KCNQ4: variants seen among roughly 807,000 people sequenced by gnomAD.
KCNQ4 encodes the protein potassium voltage-gated channel subfamily KQT member 4.
KCNQ4 carries 31 observed loss-of-function variants against 72.6 expected under a neutral mutation model. The ratio of observed to expected loss-of-function variants is 0.43; its 90% CI spans 0.32 to 0.58. KCNQ4 has a LOEUF of 0.58. KCNQ4 is among the 20% of genes least tolerant of loss of function. The pLI is 0.08. For synonymous variants in KCNQ4, 405 were observed against 403.7 expected (o/e 1.00, Z -0.04); for missense variants, 869 against 962.6 (o/e 0.90, Z 1.29).
chr1:40,835,236 C>T, intron 12 of KCNQ4, 138 bp downstream of exon 12: 1 of 1,135,826 alleles, frequency 8.8e-7, no homozygotes, highest in Admixed American at 2.6e-5. Context: ...AGGTCCCTGG[C>T]TTGCAGTGCC....
At chr1:40,799,439 C>CT (rs974536586) in intron 1 of KCNQ4, among the ~76,000 whole-genome samples, 95 of 151,700 alleles carry the variant, frequency 6.3e-4, no homozygotes, top group Non-Finnish European at 1.2e-3. Context: ...CATGCCCCCC[C>CT]CCTCGCTAGG....
intron 5 of KCNQ4, 25 bp from the exon 6 acceptor site, chr1:40,819,850 G>A: frequency 6.4e-7 from 1 of 1,573,062 alleles, no homozygotes; most frequent in Non-Finnish European, 8.8e-7. Flanking sequence ...GACCAGTCCT[G>A]CCTGTAACCT....
In KCNQ4 at chr1:40,831,319, G is replaced by T. The variant is rs1188244137; in HGVS notation, c.1513+15G>T. 6.4e-7 allele frequency: 1 copy of T among 1,573,204 alleles called. No homozygotes were observed. Among genetic ancestry groups the T allele is most frequent in the Non-Finnish European group, 8.6e-7 (1 of 1,158,018 alleles). ...CTCTGCTGAGGGTAAGCCCCCGGGGGGCTGAGTCCGATCGAGGGCCGGCTG... is the reference window on the plus strand; with the variant it reads ...CTCTGCTGAGGGTAAGCCCCCGGGGTGCTGAGTCCGATCGAGGGCCGGCTG... On this transcript the variant is annotated intron_variant, in intron 10 of 13. Coordinates refer to ENST00000347132, the MANE Select transcript of KCNQ4 (RefSeq NM_004700.4).
intron 1 of KCNQ4, among the ~76,000 whole-genome samples, chr1:40,792,650 G>A (rs2148297013): frequency 1.3e-5 from 2 of 152,220 alleles, no homozygotes; most frequent in East Asian, 1.9e-4. Context: ...CAGCCTCTGG[G>A]GATTGGTGGC....
intron 1 of KCNQ4, among the ~76,000 whole-genome samples, chr1:40,803,813 A>T (rs894309367): frequency 3.3e-5 from 5 of 152,178 alleles, no homozygotes; most frequent in African/African-American, 1.2e-4. Flanking sequence ...TTTGCTTATT[A>T]GTAACAAAGG....
intron 1 of KCNQ4, among the ~76,000 whole-genome samples, chr1:40,798,123 T>C (rs982268327): frequency 6.6e-6 from 1 of 152,068 alleles, no homozygotes. Flanking sequence ...TGGAAATCAT[T>C]GGTCTCACCC....
chr1:40,793,308 C>T (rs986962954), intron 1 of KCNQ4, among the ~76,000 whole-genome samples: 6 of 152,068 alleles, frequency 3.9e-5, no homozygotes, highest in Admixed American at 1.3e-4. Flanking sequence ...TGAATGCAAC[C>T]CCCCTGGCTT....
Position 40,784,104 on chromosome 1 carries a change from C to T in KCNQ4, c.11C>T (p.Ala4Val). Residue 4 changes from alanine (A) to valine (V), a missense_variant, in exon 1 of 14, where the codon GCC (alanine) becomes GTC (valine). Ala to Val is a moderately conservative substitution (Grantham distance 64). This residue lies in a region of KCNQ4 where 178 missense variants were observed against 145.3 expected (regional missense o/e 1.22). Transcript: ENST00000347132. This position sits in a 1 kb window ranked among gnomAD's most constrained non-coding sequence, Gnocchi z 4.1. The part of the protein sequence containing the change: MAE[A>V]PPRRLGLGPP... ...AGCCCGGCGCCGCCCATGGCCGAGGCCCCCCCGCGCCGCCTCGGCCTGGGT... is the reference window on the plus strand; with the variant it reads ...AGCCCGGCGCCGCCCATGGCCGAGGTCCCCCCGCGCCGCCTCGGCCTGGGT... 1.6e-5 allele frequency: 8 copies of T among 485,516 alleles called. No individual in the cohort carries two copies. The highest frequency in any genetic ancestry group is 2.1e-5 in the Non-Finnish European group (8 of 372,586). 30.1% of individuals were successfully genotyped at this position (485,516 alleles called of 1,614,324 possible).
chr1:40,831,072 C>T lies in KCNQ4; in HGVS notation c.1293-12C>T. ...CTAACTTGGCTCTCTCCCAACCTGC[C>T]TGCCCTGCCAGCAGCCGGATGGGCA... is the stretch of plus-strand genomic sequence containing the variant. On this transcript the variant is annotated splice_polypyrimidine_tract_variant and intron_variant, in intron 9 of 13. Transcript: ENST00000347132. 1 of 1,567,660 alleles carries T rather than the reference C, an allele frequency of 6.4e-7. No homozygotes were observed. Among genetic ancestry groups the T allele is most frequent in the Non-Finnish European group, 8.7e-7 (1 of 1,156,048 alleles).
rs1442544067 is a variant in KCNQ4 at position 40,794,036 on chromosome 1, T to C, written c.314+9629T>C. Among the ~76,000 whole-genome samples the C allele has an allele frequency of 6.6e-6, 1 of 152,110 alleles. No homozygotes were observed. The highest frequency in any genetic ancestry group is 2.4e-5 in the African/African-American group (1 of 41,406). ...TGATGAAGGTGGCATTGGGGCCAAG[T>C]AGTAAGGATGAGAAGGGTTTTGCCA... is the stretch of plus-strand genomic sequence containing the variant. On this transcript the variant is annotated intron_variant, in intron 1 of 13. Coordinates refer to ENST00000347132, the MANE Select transcript of KCNQ4 (RefSeq NM_004700.4). This position sits in a 1 kb window ranked among gnomAD's most constrained non-coding sequence, Gnocchi z 4.2.
intron 1 of KCNQ4, among the ~76,000 whole-genome samples, chr1:40,792,914 C>G (rs1647312154): frequency 6.6e-6 from 1 of 151,922 alleles, no homozygotes; most frequent in Admixed American, 6.5e-5. Context: ...CTAGCATGTG[C>G]ATCTCTGGGA....
intron 1 of KCNQ4, among the ~76,000 whole-genome samples, chr1:40,786,704 G>A (rs1647206269): frequency 6.6e-6 from 1 of 152,154 alleles, no homozygotes; most frequent in African/African-American, 2.4e-5. Flanking sequence ...GGTTGTCAAA[G>A]CGGGTAGAAA....
Position 40,818,692 on chromosome 1 carries a change from A to G in KCNQ4, c.708+12A>G, listed in dbSNP as rs767101780. 6.3e-7 allele frequency: 1 copy of G among 1,584,890 alleles called. No homozygotes were observed. The highest frequency in any genetic ancestry group is 8.5e-7 in the Non-Finnish European group (1 of 1,169,754). On this transcript the variant is annotated intron_variant, in intron 4 of 13. Coordinates refer to ENST00000347132, the MANE Select transcript of KCNQ4 (RefSeq NM_004700.4). ...ACGCGCATAGCAAGGTGAGGCCTGC[A>G]AGCCGCGCGCGGAGACCCGAGGGCG... is the stretch of plus-strand genomic sequence containing the variant.
Position 40,824,149 on chromosome 1 carries a change from C to T in KCNQ4, c.1183C>T (p.Arg395Trp), listed in dbSNP as rs373405864. 3.7e-5 allele frequency: 58 copies of T among 1,566,750 alleles called. No individual in the cohort carries two copies. The highest frequency in any genetic ancestry group is 1.2e-4 in the East Asian group (5 of 41,992). Residue 395 changes from arginine (R) to tryptophan (W), a missense_variant, in exon 9 of 14, where the codon CGG becomes TGG. Transcript: ENST00000347132. Reference sequence around the variant, plus strand: ...GCAACGGGCCCGCAATGGGGGCCTACGGCCCCTGGAGGTGCGGCGGGCGCC... The same window carrying T: ...GCAACGGGCCCGCAATGGGGGCCTATGGCCCCTGGAGGTGCGGCGGGCGCC... Reference protein sequence around the residue: ...HVQRARNGGLRPLEVRRAPVP... With the variant: ...HVQRARNGGLWPLEVRRAPVP...
chr1:40,819,531 C>T (rs1291889741), intron 5 of KCNQ4, 59 bp downstream of exon 5: 14 of 1,604,954 alleles, frequency 8.7e-6, no homozygotes, highest in Non-Finnish European at 1.2e-5. Context: ...GGGAACTTCC[C>T]GAGGTCTGCC....
rs1035199850 is a variant in KCNQ4, at chr1:40,838,849, C to T, written c.*326C>T. The T allele has an allele frequency of 1.8e-5, 8 of 443,624 alleles. No homozygotes were observed. The highest frequency in any genetic ancestry group is 2.5e-5 in the Non-Finnish European group (6 of 238,922). 27.5% of individuals were successfully genotyped at this position (443,624 alleles called of 1,614,324 possible). The stretch of plus-strand genomic sequence containing the variant: ...AGGGGCACAGCCCCGGGAGTGGGAG[C>T]GGGCGCTGGGGCCCTGGGCCCTGAC... On this transcript the variant is annotated 3_prime_UTR_variant, in exon 14 of 14. Transcript: ENST00000347132.
chr1:40,832,220 G>A (rs1296141645), intron 10 of KCNQ4, among the ~76,000 whole-genome samples: 1 of 152,202 alleles, frequency 6.6e-6, no homozygotes, highest in African/African-American at 2.4e-5. Flanking sequence ...TGGGGTGAGT[G>A]CACAAGGATG....
intron 1 of KCNQ4, among the ~76,000 whole-genome samples, chr1:40,808,494 C>G (rs1267051706): frequency 6.6e-6 from 1 of 152,136 alleles, no homozygotes; most frequent in Non-Finnish European, 1.5e-5. Context: ...CTTCCTCTCC[C>G]AGCTCCATAC....
intron 9 of KCNQ4, among the ~76,000 whole-genome samples, chr1:40,828,852 C>T (rs1648558080): frequency 6.6e-6 from 1 of 152,222 alleles, no homozygotes; most frequent in Non-Finnish European, 1.5e-5. Context: ...AATCCAGACC[C>T]ACTCCTGGGA....
Sources: allele counts gnomAD v4.1 joint callset (sites outside exome capture counted in the v4.1 genomes callset), GRCh38; gene constraint gnomAD v4.1.1; regional missense constraint gnomAD v4.1.1; non-coding constraint Gnocchi (gnomAD v3.1); transcripts MANE v1.5; gene names NCBI Gene and HGNC (gene_info 2026-07-23, HGNC 2026-07-21).